The following SIGLECL1 variants were observed in gnomAD, a reference collection of about 807,000 sequenced individuals.
The protein encoded by SIGLECL1 is SIGLEC family like 1, also known as SIGLEC family-like protein 1.
A neutral mutation model predicts 19.1 loss-of-function variants in SIGLECL1; 16 were observed. That is an observed-to-expected ratio of 0.84 (90% confidence interval 0.57 to 1.27). The LOEUF (loss-of-function observed/expected upper bound fraction) is 1.27, where lower values mean the gene tolerates loss of function less well. Ranked by LOEUF, SIGLECL1 falls within the 50% of genes most tolerant of loss-of-function variation. SIGLECL1 has a pLI of 0.00. For synonymous variants in SIGLECL1, 89 were observed against 90.4 expected, an observed-to-expected ratio of 0.98 and a Z score of 0.09; for missense variants, 210 against 239.4, an observed-to-expected ratio of 0.88 and a Z score of 0.81.
intron 1 of SIGLECL1, among the ~76,000 whole-genome samples, chr19:51,251,989 TGA>T (rs1454777746): frequency 6.6e-6 from 1 of 151,892 alleles, no homozygotes; most frequent in Non-Finnish European, 1.5e-5. Context: ...GAAGGAAAAT[TGA>T]GAGACATGGT....
intron 1 of SIGLECL1, among the ~76,000 whole-genome samples, chr19:51,260,953 A>C (rs954653551): frequency 6.6e-5 from 10 of 152,150 alleles, no homozygotes; most frequent in Non-Finnish European, 1.0e-4. Context: ...CAAGTTGTTG[A>C]AATCTTTATA....
At chr19:51,250,793 A>G (rs1391158565), upstream of SIGLECL1, among the ~76,000 whole-genome samples, 1 of 152,182 alleles carries the variant, frequency 6.6e-6, no homozygotes, top group Non-Finnish European at 1.5e-5. Context: ...CCAATTGGGC[A>G]CAAAGGTTGG....
In SIGLECL1 at chr19:51,268,627, C is replaced by T. The variant is rs78517986; in HGVS notation, c.*30C>T. ...GTGGAACATGCCTCATACCTGGAGTCGCCATTATCCCTGGAATTACAAAGA... is the reference window on the plus strand; with the variant it reads ...GTGGAACATGCCTCATACCTGGAGTTGCCATTATCCCTGGAATTACAAAGA... On this transcript the variant is annotated 3_prime_UTR_variant, in exon 6 of 6. Coordinates refer to ENST00000601727, the MANE Select transcript of SIGLECL1 (RefSeq NM_001385465.1). 18 of 1,607,358 alleles carry T rather than the reference C, an allele frequency of 1.1e-5. No individual in the cohort carries two copies. Among genetic ancestry groups the T allele is most frequent in the East Asian group, 2.2e-5 (1 of 44,854 alleles).
chr19:51,248,463 C>T (rs1297578281), upstream of SIGLECL1, among the ~76,000 whole-genome samples: 1 of 152,098 alleles, frequency 6.6e-6, no homozygotes, highest in Non-Finnish European at 1.5e-5. Flanking sequence ...ATTAAACCTC[C>T]ACTCCTAAAA....
upstream of SIGLECL1, among the ~76,000 whole-genome samples, chr19:51,250,760 G>A (rs764624407): frequency 1.3e-5 from 2 of 152,286 alleles, no homozygotes; most frequent in Non-Finnish European, 2.9e-5. Flanking sequence ...CCCCAGCTGC[G>A]GATTGGCTCA....
chr19:51,247,707 C>T (rs1397556712), upstream of SIGLECL1, among the ~76,000 whole-genome samples: 2 of 152,126 alleles, frequency 1.3e-5, no homozygotes, highest in African/African-American at 4.8e-5. Flanking sequence ...CGTGAGCCAC[C>T]GTGTCCGGCC....
upstream of SIGLECL1, among the ~76,000 whole-genome samples, chr19:51,250,236 G>T (rs1325573155): frequency 6.6e-6 from 1 of 152,076 alleles, no homozygotes; most frequent in Non-Finnish European, 1.5e-5. Context: ...ACAGGTGCCT[G>T]CCACCACGCC....
intron 2 of SIGLECL1, chr19:51,264,399 G>T: frequency 3.2e-6 from 1 of 307,862 alleles, no homozygotes; most frequent in Non-Finnish European, 6.1e-6. Flanking sequence ...GTTTTTCAGT[G>T]TTTCTGTGGG....
intron 1 of SIGLECL1, among the ~76,000 whole-genome samples, chr19:51,253,744 G>T (rs1050866524): frequency 1.3e-5 from 2 of 152,148 alleles, no homozygotes; most frequent in Non-Finnish European, 2.9e-5. Flanking sequence ...AGTTTTTAAG[G>T]CAAAATAGAA....
Position 51,268,613 on chromosome 19 carries a change from C to T in SIGLECL1, c.*16C>T. ...AGCCAGCTAAGCCTGTGGAACATGC[C>T]TCATACCTGGAGTCGCCATTATCCC... On this transcript the variant is annotated 3_prime_UTR_variant, in exon 6 of 6. Coordinates refer to ENST00000601727, the MANE Select transcript of SIGLECL1 (RefSeq NM_001385465.1). 2 of 1,612,642 alleles carry T rather than the reference C, an allele frequency of 1.2e-6. No homozygotes were observed. The highest frequency in any genetic ancestry group is 2.2e-5 in the East Asian group (1 of 44,872).
Position 51,267,644 on chromosome 19 carries a change from C to T in SIGLECL1, c.567+115C>T, listed in dbSNP as rs886881157. On this transcript the variant is annotated intron_variant, in intron 5 of 5. Transcript: ENST00000601727. Reference sequence around the variant, plus strand: ...TATCATCCTCAGTCTTGCAGGATACCTAATGCTAGAGTGTGCTTTCAGGTC... The same window carrying T: ...TATCATCCTCAGTCTTGCAGGATACTTAATGCTAGAGTGTGCTTTCAGGTC... 3 of 1,221,136 alleles carry T rather than the reference C, an allele frequency of 2.5e-6. No individual in the cohort carries two copies. In the Admixed American group the frequency reaches 6.4e-5, roughly 26 times the overall value. 75.6% of individuals were successfully genotyped at this position (1,221,136 alleles called of 1,614,324 possible). A position where few individuals can be genotyped will look rare whatever the true frequency, so the allele number is the denominator to read the frequency against.
At chr19:51,248,638 TA>T (rs1982342446), upstream of SIGLECL1, among the ~76,000 whole-genome samples, 1 of 152,242 alleles carries the variant, frequency 6.6e-6, no homozygotes, top group African/African-American at 2.4e-5. Flanking sequence ...ATTAAAATTT[TA>T]AAGAATTTAT....
At chr19:51,247,863 G>A (rs775381367), upstream of SIGLECL1, among the ~76,000 whole-genome samples, 1 of 152,188 alleles carries the variant, frequency 6.6e-6, no homozygotes, top group Non-Finnish European at 1.5e-5. Flanking sequence ...AATCCTGAAC[G>A]GGTCCTGTTA....
upstream of SIGLECL1, among the ~76,000 whole-genome samples, chr19:51,249,920 A>G (rs1354220347): frequency 1.3e-5 from 2 of 152,124 alleles, no homozygotes. Context: ...ATGCTAAAGA[A>G]AGGGTGAATT....
intron 4 of SIGLECL1, among the ~76,000 whole-genome samples, chr19:51,266,514 TAAA>T (rs34989367): frequency 7.8e-4 from 107 of 137,274 alleles, no homozygotes; most frequent in African/African-American, 2.5e-3. Flanking sequence ...TTCCAAAATC[TAAA>T]AAAAAAAAAA....
intron 1 of SIGLECL1, among the ~76,000 whole-genome samples, chr19:51,258,405 T>A (rs141145333): frequency 2.0e-5 from 3 of 152,220 alleles, no homozygotes; most frequent in Non-Finnish European, 2.9e-5. Flanking sequence ...CCTGTGCGTA[T>A]AGAAATGCAG....
At chr19:51,247,575 C>T (rs755471801), upstream of SIGLECL1, among the ~76,000 whole-genome samples, 4 of 152,070 alleles carry the variant, frequency 2.6e-5, no homozygotes, top group South Asian at 2.1e-4. Context: ...CCTGCCACCA[C>T]GTCCAGCTAA....
In SIGLECL1 at chr19:51,251,116, G is replaced by A. The variant is rs887353481; in HGVS notation, c.-620G>A. On this transcript the variant is annotated 5_prime_UTR_variant, in exon 1 of 6. Transcript: ENST00000601727. ...AGGATGCGAGCTAGCAGGTCTTGCAGCGGCTATCACGCCCCTCACGCCGCT... is the reference window on the plus strand; with the variant it reads ...AGGATGCGAGCTAGCAGGTCTTGCAACGGCTATCACGCCCCTCACGCCGCT... 1 of 152,260 alleles carries A rather than the reference G, an allele frequency of 6.6e-6. No homozygotes were observed. The highest frequency in any genetic ancestry group is 1.5e-5 in the Non-Finnish European group (1 of 68,070). 9.4% of individuals were successfully genotyped at this position (152,260 alleles called of 1,614,324 possible). A position where few individuals can be genotyped will look rare whatever the true frequency, so the allele number is the denominator to read the frequency against.
chr19:51,266,022 G>T, intron 4 of SIGLECL1, 140 bp downstream of exon 4: 6 of 771,610 alleles, frequency 7.8e-6, no homozygotes, highest in Non-Finnish European at 1.3e-5. Flanking sequence ...TACCAAACAT[G>T]GTCACCACAA....
Sources: gnomAD v4.1 joint callset for allele counts (sites outside exome capture counted in the v4.1 genomes callset) on GRCh38, gnomAD v4.1.1 for gene constraint, MANE v1.5 for transcripts, NCBI Gene and HGNC (gene_info 2026-07-23, HGNC 2026-07-21) for gene names.